PDZD2: variants seen among roughly 807,000 people sequenced by gnomAD.
PDZD2 encodes PDZ domain containing 2.
In PDZD2, 90 loss-of-function variants were observed where a neutral mutation model predicts 220.7. The observed-to-expected ratio is 0.41, with a 90% CI of 0.34 to 0.49. The LOEUF is 0.49. PDZD2 is among the 20% of genes least tolerant of loss of function. PDZD2 has a pLI of 0.28. For missense variants in PDZD2, 3,174 were observed against 3,608.5 expected (o/e 0.88, Z 3.08); for synonymous variants, 1,375 against 1,450.5 (o/e 0.95, Z 1.18).
At chr5:31,653,574 CT>C (rs974189689) in intron 1 of PDZD2, among the ~76,000 whole-genome samples, 5 of 152,174 alleles carry the variant, frequency 3.3e-5, no homozygotes, top group Admixed American at 3.3e-4. Flanking sequence ...GATGAATCTT[CT>C]GATGAAAGCA....
chr5:31,747,043 C>A (rs762345096), intron 1 of PDZD2, among the ~76,000 whole-genome samples: 1 of 152,044 alleles, frequency 6.6e-6, no homozygotes, highest in African/African-American at 2.4e-5. Context: ...GGTGTGGTGG[C>A]GGATGCCTGT....
chr5:32,058,778 C>CT (rs1464201903), intron 12 of PDZD2, among the ~76,000 whole-genome samples: 3 of 151,892 alleles, frequency 2.0e-5, no homozygotes, highest in Non-Finnish European at 4.4e-5. Context: ...ACACTAGTAA[C>CT]TAGAATTCAT....
intron 2 of PDZD2, among the ~76,000 whole-genome samples, chr5:31,824,376 A>G: frequency 7.8e-6 from 1 of 128,876 alleles, no homozygotes; most frequent in South Asian, 2.3e-4. Flanking sequence ...GCAATTTAGT[A>G]CTTGATCCCT....
At chr5:31,793,581 C>CGAATCACT (rs1180453926) in intron 1 of PDZD2, among the ~76,000 whole-genome samples, 1 of 152,004 alleles carries the variant, frequency 6.6e-6, no homozygotes, top group Non-Finnish European at 1.5e-5. Context: ...CTGAGGCGGG[C>CGAATCACT]GAATCACTTG....
At chr5:32,038,406 G>T (rs187990593) in intron 7 of PDZD2, among the ~76,000 whole-genome samples, 1 of 151,416 alleles carries the variant, frequency 6.6e-6, no homozygotes, top group African/African-American at 2.4e-5. Context: ...GTGTGGTGGC[G>T]TACACCTGTA....
intron 2 of PDZD2, among the ~76,000 whole-genome samples, chr5:31,945,634 T>G (rs1173474147): frequency 6.6e-6 from 1 of 151,974 alleles, no homozygotes; most frequent in Non-Finnish European, 1.5e-5. Context: ...AACCCTGTTT[T>G]TCCCCCTTGT....
intron 1 of PDZD2, among the ~76,000 whole-genome samples, chr5:31,731,948 G>A (rs577793309): frequency 6.6e-6 from 1 of 152,308 alleles, no homozygotes; most frequent in East Asian, 1.9e-4. Flanking sequence ...TTTAGCTCCT[G>A]GGCTGCCATT....
At chr5:32,042,696 G>A (rs1031816313) in intron 7 of PDZD2, among the ~76,000 whole-genome samples, 16 of 152,218 alleles carry the variant, frequency 1.1e-4, no homozygotes, top group Non-Finnish European at 2.4e-4. Flanking sequence ...GAAAGGAGTG[G>A]TGATGACCAG....
At position 31,722,697 on chromosome 5, in the gene PDZD2, G is replaced by GTT. The variant is rs200686800; in HGVS notation, c.-360-76183_-360-76182dup. On this transcript the variant is annotated intron_variant, in intron 1 of 24. Transcript: ENST00000438447. Reference sequence around the variant, plus strand: ...GTTTTTTGTGGGTTGTTTTTTTGTTGTTTTTTTTTTGAGACAGAATCTCAT... The same window carrying GTT: ...GTTTTTTGTGGGTTGTTTTTTTGTTGTTTTTTTTTTTTGAGACAGAATCTCAT... Among the ~76,000 whole-genome samples the GTT allele has an allele frequency of 2.1e-4, 31 of 150,400 alleles. No individual in the cohort carries two copies. In the Middle Eastern group the frequency reaches 0.01, roughly 50 times the overall value.
intron 2 of PDZD2, among the ~76,000 whole-genome samples, chr5:31,825,048 T>C (rs1414958415): frequency 6.6e-6 from 1 of 152,158 alleles, no homozygotes; most frequent in Non-Finnish European, 1.5e-5. Flanking sequence ...CCTGTCTCCC[T>C]ACACACGCCC....
intron 1 of PDZD2, among the ~76,000 whole-genome samples, chr5:31,783,749 T>C (rs1290158910): frequency 3.3e-5 from 5 of 152,198 alleles, no homozygotes; most frequent in African/African-American, 1.2e-4. Context: ...ATTAGACTCC[T>C]GTCCTAAATG....
chr5:31,968,086 A>G (rs1429823314), intron 2 of PDZD2, among the ~76,000 whole-genome samples: 1 of 152,124 alleles, frequency 6.6e-6, no homozygotes, highest in East Asian at 1.9e-4. Context: ...GGCCTTGGGG[A>G]GGTGATTAGA....
At chr5:31,712,474 CT>C (rs1388246850) in intron 1 of PDZD2, among the ~76,000 whole-genome samples, 20 of 131,484 alleles carry the variant, frequency 1.5e-4, no homozygotes, top group African/African-American at 5.2e-4. Context: ...CTCTCTCTCT[CT>C]CTCTCTCCCC....
rs796446272 is a variant in PDZD2, at chr5:32,110,160, T to TA, written c.*2026dup. On this transcript the variant is annotated 3_prime_UTR_variant, in exon 25 of 25. Coordinates refer to ENST00000438447, the MANE Select transcript of PDZD2 (RefSeq NM_178140.4). ...GAAAACTGCTTTTCGCCTCCACTCT[T>TA]ACAGCTGTGCCTAATAATAATTAAT... The TA allele has an allele frequency of 1.3e-5, 2 of 152,750 alleles. No individual in the cohort carries two copies. Among genetic ancestry groups the TA allele is most frequent in the African/African-American group, 4.8e-5 (2 of 41,542 alleles). 9.5% of individuals were successfully genotyped at this position (152,750 alleles called of 1,614,324 possible). A position where few individuals can be genotyped will look rare whatever the true frequency, so the allele number is the denominator to read the frequency against.
chr5:31,903,644 C>CAAAA (rs59822169), intron 2 of PDZD2, among the ~76,000 whole-genome samples: 6 of 99,658 alleles, frequency 6.0e-5, no homozygotes, highest in African/African-American at 1.5e-4. Flanking sequence ...GACCCTGTCT[C>CAAAA]AAAAAAAAAA....
chr5:31,693,240 CT>C lies in PDZD2; in HGVS notation c.-361+53822del, dbSNP rs10650316. Among the ~76,000 whole-genome samples, 759 of 87,718 alleles carry C rather than the reference CT, an allele frequency of 8.7e-3. 8 individuals are homozygous for C. The highest frequency in any genetic ancestry group is 0.026 in the African/African-American group (540 of 21,008). The allele number at this position is 87,718 out of a possible 152,430, so 57.5% of individuals were successfully genotyped here. A position where few individuals can be genotyped will look rare whatever the true frequency, so the allele number is the denominator to read the frequency against. On this transcript the variant is annotated intron_variant, in intron 1 of 24. Coordinates refer to ENST00000438447, the MANE Select transcript of PDZD2 (RefSeq NM_178140.4). ...GGGGCAGGAGGATAGTGGGAAAGCA[CT>C]TTTTTTTTTTTTTTTTTTGAGACGG...
intron 2 of PDZD2, among the ~76,000 whole-genome samples, chr5:31,937,943 G>T (rs1468552081): frequency 6.6e-6 from 1 of 152,220 alleles, no homozygotes; most frequent in Non-Finnish European, 1.5e-5. Context: ...TTTTTGTATG[G>T]CCTGGGAGCT....
At chr5:31,886,779 A>G (rs111907132) in intron 2 of PDZD2, among the ~76,000 whole-genome samples, 13,105 of 150,606 alleles carry the variant, frequency 0.087, 747 homozygotes, top group East Asian at 0.29. Flanking sequence ...CTCACTGCAA[A>G]CTCCGCCTCC....
chr5:31,667,239 A>AAAC, intron 1 of PDZD2, among the ~76,000 whole-genome samples: 1 of 149,126 alleles, frequency 6.7e-6, no homozygotes, highest in Admixed American at 6.7e-5. Flanking sequence ...CCGTCTCAAA[A>AAAC]AAAAAAAAAA....
Sources: gnomAD v4.1 joint callset for allele counts (sites outside exome capture counted in the v4.1 genomes callset) on GRCh38, gnomAD v4.1.1 for gene constraint, MANE v1.5 for transcripts, NCBI Gene and HGNC (gene_info 2026-07-23, HGNC 2026-07-21) for gene names.